Variants in MAST4 observed in about 807,000 individuals in gnomAD.
MAST4 encodes microtubule associated serine/threonine kinase family member 4.
A neutral mutation model predicts 162.7 loss-of-function variants in MAST4; 89 were observed. The observed-to-expected ratio is 0.55, with a 90% CI of 0.46 to 0.65. The LOEUF (loss-of-function observed/expected upper bound fraction) is 0.65, where lower values mean the gene tolerates loss of function less well. Ranked by LOEUF, MAST4 falls within the 30% of genes least tolerant of loss-of-function variation. The pLI is 0.00. For synonymous variants in MAST4, 1,479 were observed against 1,361.1 expected (o/e 1.09, Z -1.91); for missense variants, 3,153 against 3,374.0 (o/e 0.93, Z 1.62).
At chr5:66,646,247 TA>T (rs200688309) in intron 1 of MAST4, among the ~76,000 whole-genome samples, 16 of 130,166 alleles carry the variant, frequency 1.2e-4, no homozygotes, top group East Asian at 1.1e-3. Flanking sequence ...TGGATATATT[TA>T]AAAAAATGTT....
chr5:66,682,184 AC>A (rs71610526), intron 1 of MAST4, among the ~76,000 whole-genome samples: 15,409 of 152,242 alleles, frequency 0.1, 907 homozygotes, highest in Admixed American at 0.15. Context: ...ATAGGTCAAG[AC>A]CAAGAGTAGT....
At chr5:66,981,832 T>TG (rs1429096691) in intron 4 of MAST4, among the ~76,000 whole-genome samples, 1 of 152,216 alleles carries the variant, frequency 6.6e-6, no homozygotes, top group Non-Finnish European at 1.5e-5. Context: ...TCAGTGTCTC[T>TG]GCCAAGATCA....
intron 1 of MAST4, among the ~76,000 whole-genome samples, chr5:66,653,776 A>G (rs993499664): frequency 6.6e-6 from 1 of 152,198 alleles, no homozygotes; most frequent in African/African-American, 2.4e-5. Flanking sequence ...TGATGGCTAC[A>G]GTCATTCATT....
chr5:66,924,995 T>C (rs1764791417), intron 4 of MAST4, among the ~76,000 whole-genome samples: 1 of 152,232 alleles, frequency 6.6e-6, no homozygotes. Context: ...GTATTTATAT[T>C]ATAGAAAAAT....
intron 1 of MAST4, among the ~76,000 whole-genome samples, chr5:66,652,452 A>G (rs1721338459): frequency 6.6e-6 from 1 of 152,234 alleles, no homozygotes; most frequent in African/African-American, 2.4e-5. Flanking sequence ...TTTTATTGCA[A>G]CTTGTTTAAA....
rs1367071959 is a variant in MAST4 at position 67,160,590 on chromosome 5, A to G, written c.3783A>G (p.Glu1261=). The stretch of plus-strand genomic sequence containing the variant: ...AATCCAAGAAGAAAGAAAGTCTCGA[A>G]AGGTTAGTAAAATCAGTATTCTTTT... ...SKKSKKKESL[E]RRRSLFKKLA... Residue 1261 remains glutamate (E), a splice_region_variant and synonymous_variant, in exon 27 of 29, where the codon GAA becomes GAG. Transcript: ENST00000403625. 3 of 1,613,130 alleles carry G rather than the reference A, an allele frequency of 1.9e-6. No individual in the cohort carries two copies. The highest frequency in any genetic ancestry group is 8.5e-7 in the Non-Finnish European group (1 of 1,179,640).
In MAST4 at chr5:66,931,669, T is replaced by C. The variant is rs1184397221; in HGVS notation, c.674+31687T>C. On this transcript the variant is annotated intron_variant, in intron 4 of 28. Coordinates refer to ENST00000403625, the MANE Select transcript of MAST4 (RefSeq NM_001164664.2). ...AAGTTTGGAAATGGTGTTTTCTTTT[T>C]TCATGCAATACCTGGCCTCCATCAC... Among the ~76,000 whole-genome samples the C allele has an allele frequency of 2.0e-5, 3 of 152,212 alleles. No individual in the cohort carries two copies. In the East Asian group the frequency reaches 5.8e-4, roughly 29 times the overall value.
At chr5:66,843,069 C>T (rs1758539852) in intron 3 of MAST4, among the ~76,000 whole-genome samples, 1 of 152,120 alleles carries the variant, frequency 6.6e-6, no homozygotes, top group South Asian at 2.1e-4. Flanking sequence ...TTGCCAATGC[C>T]TTATCTACCA....
intron 1 of MAST4, among the ~76,000 whole-genome samples, chr5:66,718,377 G>T (rs1329449089): frequency 6.6e-6 from 1 of 151,866 alleles, no homozygotes; most frequent in Non-Finnish European, 1.5e-5. Context: ...TGGCATTTTT[G>T]TATGGTGAAG....
In MAST4 at chr5:66,596,903, C is replaced by G. The variant is rs1161558910; in HGVS notation, c.248C>G (p.Pro83Arg). Residue 83 changes from proline (P) to arginine (R), a missense_variant, in exon 1 of 29, where the codon CCG becomes CGG. Physicochemically the swap from Pro to Arg is moderately radical, Grantham distance 103. This residue lies in a region of MAST4 where 327 missense variants were observed against 336.5 expected (regional missense o/e 0.97). Coordinates refer to ENST00000403625, the MANE Select transcript of MAST4 (RefSeq NM_001164664.2). Reference sequence around the variant, plus strand: ...GCCCGGGCGCCCGCCGCGTGGGCTCCGGCAAGCGTGCTGCTGGAGCGCGGA... The same window carrying G: ...GCCCGGGCGCCCGCCGCGTGGGCTCGGGCAAGCGTGCTGCTGGAGCGCGGA... Reference protein sequence around the residue: ...LGARAPAAWAPASVLLERGVL... With the variant: ...LGARAPAAWARASVLLERGVL... The G allele has an allele frequency of 1.6e-5, 20 of 1,286,402 alleles. No homozygotes were observed. Among genetic ancestry groups the G allele is most frequent in the Non-Finnish European group, 2.0e-5 (20 of 1,015,376 alleles). The allele number at this position is 1,286,402 out of a possible 1,614,324, so 79.7% of individuals were successfully genotyped here. A position where few individuals can be genotyped will look rare whatever the true frequency, so the allele number is the denominator to read the frequency against.
chr5:66,872,299 A>G (rs1760994435), intron 3 of MAST4, among the ~76,000 whole-genome samples: 1 of 152,108 alleles, frequency 6.6e-6, no homozygotes, highest in Non-Finnish European at 1.5e-5. Flanking sequence ...CCTCCCAAGT[A>G]GCTGGGACTA....
At chr5:66,745,481 CAATT>C (rs1443534422) in intron 1 of MAST4, among the ~76,000 whole-genome samples, 9 of 152,168 alleles carry the variant, frequency 5.9e-5, no homozygotes, top group Admixed American at 1.3e-4. Context: ...CGCTAATTAT[CAATT>C]AATCGATCAT....
chr5:66,724,584 A>G (rs961979916), intron 1 of MAST4, among the ~76,000 whole-genome samples: 3 of 152,184 alleles, frequency 2.0e-5, no homozygotes, highest in Non-Finnish European at 2.9e-5. Context: ...TTTCGCAAAC[A>G]TCATGGAGTG....
chr5:67,077,529 C>T (rs1247999704), intron 5 of MAST4, among the ~76,000 whole-genome samples: 1 of 152,168 alleles, frequency 6.6e-6, no homozygotes, highest in Non-Finnish European at 1.5e-5. Context: ...TGGCCCCTGA[C>T]TGTTGTAGTT....
chr5:66,948,647 G>A (rs1026835459), intron 4 of MAST4, among the ~76,000 whole-genome samples: 2 of 152,050 alleles, frequency 1.3e-5, no homozygotes, highest in African/African-American at 2.4e-5. Flanking sequence ...CCACTGGTGC[G>A]GCTGGAGCTG....
chr5:67,102,435 G>C, intron 8 of MAST4, 101 bp from the exon 9 acceptor site: 1 of 1,032,080 alleles, frequency 9.7e-7, no homozygotes, highest in Non-Finnish European at 1.5e-6. Flanking sequence ...TCTTACAAAG[G>C]TTGCATAGTA....
rs755319565 is a variant in MAST4 at position 67,133,680 on chromosome 5, T to C, written c.2226+34T>C. The C allele has an allele frequency of 8.7e-6, 14 of 1,609,664 alleles. No homozygotes were observed. The South Asian group carries it at 1.5e-4, about 18-fold the overall frequency. On this transcript the variant is annotated intron_variant, in intron 17 of 28. Coordinates refer to ENST00000403625, the MANE Select transcript of MAST4 (RefSeq NM_001164664.2). ...GGGTGCCATTTAGTTTATTGAGAAA[T>C]ACAAAGTATGGTATTGCCAGTGAAG...
intron 5 of MAST4, among the ~76,000 whole-genome samples, chr5:67,055,277 A>C (rs1758660601): frequency 6.6e-6 from 1 of 152,188 alleles, no homozygotes; most frequent in Non-Finnish European, 1.5e-5. Flanking sequence ...TTTGACTTTG[A>C]AGCCCTTTCA....
At chr5:66,777,783 T>C (rs1041790383) in intron 2 of MAST4, among the ~76,000 whole-genome samples, 3 of 151,892 alleles carry the variant, frequency 2.0e-5, no homozygotes, top group African/African-American at 4.8e-5. Context: ...TAGAAAGGTG[T>C]AGATAAGGCA....
Sources: allele counts gnomAD v4.1 joint callset (sites outside exome capture counted in the v4.1 genomes callset), GRCh38; gene constraint gnomAD v4.1.1; regional missense constraint gnomAD v4.1.1; transcripts MANE v1.5; gene names NCBI Gene and HGNC (gene_info 2026-07-23, HGNC 2026-07-21).